Variants in BRF1 observed in about 807,000 individuals in gnomAD.
BRF1 encodes BRF1 general transcription factor IIIB subunit.
BRF1 carries 59 observed loss-of-function variants against 81.7 expected under a neutral mutation model. That is an observed-to-expected ratio of 0.72 (90% CI 0.59 to 0.90). The LOEUF (loss-of-function observed/expected upper bound fraction) is 0.90, where lower values mean the gene tolerates loss of function less well. BRF1 is among the 40% of genes least tolerant of loss of function. BRF1 has a pLI of 0.00. For missense variants in BRF1, 1,050 were observed against 936.3 expected (o/e 1.12, Z -1.58); for synonymous variants, 491 against 395.6 (o/e 1.24, Z -2.86).
chr14:105,270,002 G>A (rs1027487483), intron 3 of BRF1, among the ~76,000 whole-genome samples: 1 of 152,152 alleles, frequency 6.6e-6, no homozygotes, highest in Non-Finnish European at 1.5e-5. Flanking sequence ...ACCCCAGGGT[G>A]GAGCCGGGGC....
chr14:105,250,323 T>C (rs1427787517), intron 5 of BRF1: 1 of 1,613,310 alleles, frequency 6.2e-7, no homozygotes, highest in African/African-American at 1.3e-5. Context: ...AGGGTATTTA[T>C]TGCAGGGCTG....
At chr14:105,268,228 G>A (rs2816625) in intron 3 of BRF1, among the ~76,000 whole-genome samples, 36,509 of 152,272 alleles carry the variant, frequency 0.24, 4,687 homozygotes, top group South Asian at 0.28. Context: ...ACACAGCCAG[G>A]AAAAGCACAC....
Position 105,286,971 on chromosome 14 carries a change from T to G in BRF1, c.185-595A>C, listed in dbSNP as rs139485907. Among the ~76,000 whole-genome samples, 513 of 152,206 alleles carry G rather than the reference T, an allele frequency of 3.4e-3. 1 individual carries two copies. Among genetic ancestry groups the G allele is most frequent in the African/African-American group, 0.012 (482 of 41,550 alleles). On this transcript the variant is annotated intron_variant, in intron 1 of 17. Coordinates refer to ENST00000547530, the MANE Select transcript of BRF1 (RefSeq NM_001519.4). Reference sequence around the variant, plus strand: ...ATATCACTCCTGCATGGTGACCACATGTGAACACATCCACCTCCCTGCTGG... The same window carrying G: ...ATATCACTCCTGCATGGTGACCACAGGTGAACACATCCACCTCCCTGCTGG...
chr14:105,241,845 A>C, intron 5 of BRF1: 1 of 219,646 alleles, frequency 4.6e-6, no homozygotes, highest in Admixed American at 5.0e-5. Context: ...CATGGGTGAG[A>C]GGAGGGCCCA....
rs1028133352 is a variant in BRF1, at chr14:105,247,911, C to A, written c.544+4596G>T. Reference sequence around the variant, plus strand: ...GCACCTCCCAGGATTAGCCCCAGGCCGGGAGGCTAGAGGCCCCACAAGGAG... The same window carrying A: ...GCACCTCCCAGGATTAGCCCCAGGCAGGGAGGCTAGAGGCCCCACAAGGAG... On this transcript the variant is annotated intron_variant, in intron 5 of 17. Coordinates refer to ENST00000547530, the MANE Select transcript of BRF1 (RefSeq NM_001519.4). The A allele has an allele frequency of 1.0e-4, 102 of 985,404 alleles. 1 individual carries two copies. The highest frequency in any genetic ancestry group is 1.2e-4 in the Non-Finnish European group (99 of 830,018). The allele number at this position is 985,404 out of a possible 1,614,324, so 61.0% of individuals were successfully genotyped here.
In BRF1 at chr14:105,309,199, T is replaced by C. The variant is rs1317607712; in HGVS notation, c.-162+6123A>G. 6.6e-6 allele frequency among the ~76,000 whole-genome samples: 1 copy of C among 152,168 alleles called. No individual in the cohort carries two copies. The highest frequency in any genetic ancestry group is 1.9e-4 in the East Asian group (1 of 5,192). ...CTGGCTTATTGTGATGATATTCTAT[T>C]GTGGGAAAGAAAGAAGTGTTAAAAT... On this transcript the variant is annotated intron_variant, in intron 1 of 17. Coordinates refer to the BRF1 transcript ENST00000327359. This position sits in a 1 kb window ranked among gnomAD's most constrained non-coding sequence, Gnocchi z 4.0.
intron 1 of BRF1, among the ~76,000 whole-genome samples, chr14:105,298,189 G>A (rs2057818130): frequency 1.3e-5 from 2 of 152,146 alleles, no homozygotes; most frequent in South Asian, 4.1e-4. Flanking sequence ...CTGGTCCCAA[G>A]CATTTCAGGT....
At chr14:105,229,590 C>A (rs1035414854) in intron 6 of BRF1, among the ~76,000 whole-genome samples, 1 of 152,244 alleles carries the variant, frequency 6.6e-6, no homozygotes, top group African/African-American at 2.4e-5. Context: ...TGAGTGACAG[C>A]TGCGACCTGG....
At chr14:105,229,057 T>A (rs2054278474) in intron 6 of BRF1, 144 bp from the exon 7 acceptor site, 2 of 739,676 alleles carry the variant, frequency 2.7e-6, no homozygotes, top group East Asian at 2.5e-5. Context: ...AGACCCTCAC[T>A]TGGCATGGCT....
At chr14:105,216,929 G>A (rs1362791027) in intron 15 of BRF1, among the ~76,000 whole-genome samples, 1 of 152,194 alleles carries the variant, frequency 6.6e-6, no homozygotes, top group Non-Finnish European at 1.5e-5. Context: ...CCCCCAAGAC[G>A]CAGCAGGTGA....
In BRF1 at chr14:105,223,697, G is replaced by C. The variant is rs1179788821; in HGVS notation, c.1049-1783C>G. On this transcript the variant is annotated intron_variant, in intron 10 of 17. Transcript: ENST00000547530. The stretch of plus-strand genomic sequence containing the variant: ...CCCCGTGGGAGCCACAGATCTGTGG[G>C]TCTTCTTGGTTGTCACTATGGCTTC... Among the ~76,000 whole-genome samples, 3 of 152,212 alleles carry C rather than the reference G, an allele frequency of 2.0e-5. No individual in the cohort carries two copies. The East Asian group carries it at 5.8e-4, about 29-fold the overall frequency.
At chr14:105,213,036 G>T (rs33997228) in intron 15 of BRF1, 43,526 of 152,126 alleles carry the variant, frequency 0.29, 6,781 homozygotes, top group African/African-American at 0.38. Context: ...ACTGGAGACA[G>T]TCTGGACACC....
chr14:105,217,845 T>C (rs200738629), intron 14 of BRF1, 45 bp from the exon 15 acceptor site: 25 of 1,594,596 alleles, frequency 1.6e-5, no homozygotes, highest in Non-Finnish European at 2.1e-5. Flanking sequence ...TCACGCCCAC[T>C]GCACTCCACC....
chr14:105,248,097 G>A (rs2055248681), intron 5 of BRF1: 1 of 985,462 alleles, frequency 1.0e-6, no homozygotes, highest in Non-Finnish European at 1.2e-6. Flanking sequence ...ATTTCCTCGA[G>A]GAAAATGCCG....
intron 2 of BRF1, among the ~76,000 whole-genome samples, chr14:105,275,147 G>A (rs766351205): frequency 5.3e-5 from 8 of 152,256 alleles, no homozygotes; most frequent in Non-Finnish European, 1.0e-4. Context: ...ATGACCAGCA[G>A]CCAGAGGTGG....
chr14:105,249,845 A>G, intron 5 of BRF1: 1 of 1,613,244 alleles, frequency 6.2e-7, no homozygotes, highest in Non-Finnish European at 8.5e-7. Context: ...CTGGGAGGTC[A>G]TTGACGCACA....
In BRF1 at chr14:105,211,123, G is replaced by C; in HGVS notation, c.1995C>G (p.Asn665Lys). 6.2e-7 allele frequency: 1 copy of C among 1,612,204 alleles called. No individual in the cohort carries two copies. The highest frequency in any genetic ancestry group is 8.5e-7 in the Non-Finnish European group (1 of 1,179,852). ...TCCCTGTTGTCGGGCCCCACCCACCGTTGCTGCCCATCATCTGCAGGGCAC... is the reference window on the plus strand; with the variant it reads ...TCCCTGTTGTCGGGCCCCACCCACCCTTGCTGCCCATCATCTGCAGGGCAC... ...CVSALQMMGS[N>K]DYGCDGDEDD... is the part of the protein sequence containing the mutation. Residue 665 changes from asparagine to lysine, a missense_variant and splice_region_variant, in exon 17 of 18, where the codon AAC (asparagine) becomes AAG (lysine). Physicochemically the swap from Asn to Lys is moderately conservative, Grantham distance 94. Coordinates refer to ENST00000547530, the MANE Select transcript of BRF1 (RefSeq NM_001519.4).
At chr14:105,249,338 C>T (rs749164587) in intron 5 of BRF1, 21 of 1,603,390 alleles carry the variant, frequency 1.3e-5, no homozygotes, top group Non-Finnish European at 1.6e-5. Flanking sequence ...GCCAGGCTCA[C>T]GGCGGCGCTT....
intron 5 of BRF1, 25 bp from the exon 6 acceptor site, chr14:105,241,439 G>T (rs587688616): frequency 1.9e-6 from 3 of 1,608,062 alleles, no homozygotes; most frequent in African/African-American, 2.7e-5. Flanking sequence ...GCACCTCAGT[G>T]CCCACCTCCA....
Sources: allele counts gnomAD v4.1 joint callset (sites outside exome capture counted in the v4.1 genomes callset), GRCh38; gene constraint gnomAD v4.1.1; non-coding constraint Gnocchi (gnomAD v3.1); transcripts MANE v1.5; gene names NCBI Gene and HGNC (gene_info 2026-07-23, HGNC 2026-07-21).